Variants in KRT72 observed in about 807,000 individuals in gnomAD.
KRT72 encodes the protein keratin, type II cytoskeletal 72.
Under a neutral mutation model 44.7 loss-of-function variants are expected in KRT72, and 44 were observed. The ratio of observed to expected loss-of-function variants is 0.98; its 90% CI spans 0.77 to 1.27. The LOEUF is 1.27. Among genes scored for constraint, KRT72 ranks in the 50% most tolerant of loss-of-function variants. The pLI, the probability that KRT72 is intolerant of heterozygous loss-of-function variation, is 0.00. For missense variants in KRT72, 736 were observed against 667.1 expected, an observed-to-expected ratio of 1.10 and a Z score of -1.14; for synonymous variants, 302 against 280.4, an observed-to-expected ratio of 1.08 and a Z score of -0.77.
chr12:52,596,749 G>T (rs1430014004), intron 2 of KRT72, among the ~76,000 whole-genome samples: 1 of 151,834 alleles, frequency 6.6e-6, no homozygotes, highest in Admixed American at 6.6e-5. Flanking sequence ...ACAGGGTTTC[G>T]CCATGTTGGC....
At chr12:52,595,652 G>A (rs1426097976) in intron 2 of KRT72, among the ~76,000 whole-genome samples, 1 of 152,156 alleles carries the variant, frequency 6.6e-6, no homozygotes, top group Admixed American at 6.5e-5. Flanking sequence ...GTGTGTATTC[G>A]TGTACAAAAA....
rs760349724 is a variant in KRT72 at position 52,587,718 on chromosome 12, C to A, written c.1223G>T (p.Arg408Leu). ...QAKEELARML[R>L]EYQELVSLKL... ...CAGGCTCACGAGCTCCTGGTACTCACGCAGCATCCGTGCCAGCTCCTCCTT... is the reference window on the plus strand; with the variant it reads ...CAGGCTCACGAGCTCCTGGTACTCAAGCAGCATCCGTGCCAGCTCCTCCTT... Residue 408 changes from arginine to leucine, a missense_variant, in exon 7 of 9, where the codon CGT becomes CTT. Arg to Leu is a moderately radical substitution (Grantham distance 102). Transcript: ENST00000293745. 9 of 1,614,076 alleles carry A rather than the reference C, an allele frequency of 5.6e-6. No homozygotes were observed. Among genetic ancestry groups the A allele is most frequent in the Middle Eastern group, 1.6e-4 (1 of 6,084 alleles).
chr12:52,591,357 A>AACACAC (rs1940011358), intron 5 of KRT72, 107 bp downstream of exon 5: 2 of 878,974 alleles, frequency 2.3e-6, no homozygotes, highest in Non-Finnish European at 3.2e-6. Flanking sequence ...ACTGAGCCCA[A>AACACAC]ATACACACAC....
In KRT72 at chr12:52,589,734, C is replaced by T. The variant is rs181253573; in HGVS notation, c.1089+1102G>A. The stretch of plus-strand genomic sequence containing the variant: ...GAGCCGCAATGGGGACTCAGCATTG[C>T]GAGGGATCCCCATTTGTTCCCCGCA... On this transcript the variant is annotated intron_variant, in intron 6 of 8. Coordinates refer to ENST00000293745, the MANE Select transcript of KRT72 (RefSeq NM_080747.3). Among the ~76,000 whole-genome samples, 26 of 152,206 alleles carry T rather than the reference C, an allele frequency of 1.7e-4. No individual in the cohort carries two copies. In the East Asian group the frequency reaches 2.7e-3, roughly 16 times the overall value.
intron 2 of KRT72, among the ~76,000 whole-genome samples, chr12:52,596,612 C>T (rs1451150182): frequency 6.6e-6 from 1 of 150,706 alleles, no homozygotes; most frequent in Non-Finnish European, 1.5e-5. Context: ...AGTGCGGTGG[C>T]TTGATCTCAG....
chr12:52,590,959 G>T lies in KRT72; in HGVS notation c.966C>A (p.Ile322=), dbSNP rs1382779971. The stretch of plus-strand genomic sequence containing the variant: ...GGCCTGCTGTGACCTGCAGCTCCTG[G>T]ATCTGAGGTTGGGTGACAAGAGAAG... ...AEAETLYQTK[I]QELQVTAGQH... is the part of the protein sequence containing the mutation. The change falls in exon 6 of 9, where the codon ATC becomes ATA. Residue 322 remains isoleucine (I), a splice_region_variant and synonymous_variant. Transcript: ENST00000293745. 1 of 1,589,814 alleles carries T rather than the reference G, an allele frequency of 6.3e-7. No individual in the cohort carries two copies. Among genetic ancestry groups the T allele is most frequent in the South Asian group, 1.1e-5 (1 of 87,478 alleles).
chr12:52,591,774 G>A lies in KRT72; in HGVS notation c.799-146C>T, dbSNP rs185861249. The stretch of plus-strand genomic sequence containing the variant: ...CTCAGCACCAGTGCCTGGCAGGCAC[G>A]TGAAGAAGTGCCTTAGGCTTTCAGC... On this transcript the variant is annotated intron_variant, in intron 4 of 8. Transcript: ENST00000293745. 3.6e-4 allele frequency: 265 copies of A among 740,662 alleles called. No homozygotes were observed. In the African/African-American group the frequency reaches 3.9e-3, roughly 11 times the overall value. The allele number at this position is 740,662 out of a possible 1,614,324, so 45.9% of individuals were successfully genotyped here.
chr12:52,600,289 C>G (rs1487482181), intron 1 of KRT72, among the ~76,000 whole-genome samples: 1 of 152,220 alleles, frequency 6.6e-6, no homozygotes, highest in Non-Finnish European at 1.5e-5. Context: ...GTCTCTTGGC[C>G]TCTGTTCCTA....
At chr12:52,597,019 T>C (rs61929567) in intron 2 of KRT72, among the ~76,000 whole-genome samples, 23,147 of 152,148 alleles carry the variant, frequency 0.15, 2,547 homozygotes, top group African/African-American at 0.31. Flanking sequence ...GCCCATTCAT[T>C]GGCTTTTTAG....
intron 2 of KRT72, among the ~76,000 whole-genome samples, chr12:52,595,906 T>C (rs1162673218): frequency 1.3e-5 from 2 of 150,602 alleles, no homozygotes; most frequent in East Asian, 3.9e-4. Flanking sequence ...TTTTTGCAAG[T>C]CAGATGGTTT....
chr12:52,596,748 C>T (rs689325), intron 2 of KRT72, among the ~76,000 whole-genome samples: 6,005 of 152,038 alleles, frequency 0.039, 152 homozygotes, highest in African/African-American at 0.072. Flanking sequence ...GACAGGGTTT[C>T]GCCATGTTGG....
intron 3 of KRT72, 34 bp from the exon 4 acceptor site, chr12:52,592,525 G>A (rs769188524): frequency 1.4e-5 from 22 of 1,527,462 alleles, no homozygotes; most frequent in Non-Finnish European, 1.7e-5. Context: ...CGCCCTGAGA[G>A]GGCCTCCCCT....
At chr12:52,589,541 A>G (rs1939914812) in intron 6 of KRT72, among the ~76,000 whole-genome samples, 1 of 152,218 alleles carries the variant, frequency 6.6e-6, no homozygotes, top group Admixed American at 6.5e-5. Flanking sequence ...GGGTCTTGTG[A>G]ACATGGCCCG....
At chr12:52,587,338 C>G (rs1939803092) in intron 7 of KRT72, among the ~76,000 whole-genome samples, 1 of 152,160 alleles carries the variant, frequency 6.6e-6, no homozygotes, top group Non-Finnish European at 1.5e-5. Context: ...TTGGACAGCC[C>G]TTAGAGGCCA....
upstream of KRT72, among the ~76,000 whole-genome samples, chr12:52,602,904 G>A (rs999577011): frequency 3.9e-5 from 6 of 152,202 alleles, no homozygotes; most frequent in African/African-American, 1.4e-4. Context: ...GAACAAAGTT[G>A]TGAGGGCATT....
chr12:52,591,594 G>T lies in KRT72; in HGVS notation c.833C>A (p.Thr278Lys). 1 of 1,613,694 alleles carries T rather than the reference G, an allele frequency of 6.2e-7. No individual in the cohort carries two copies. Among genetic ancestry groups the T allele is most frequent in the South Asian group, 1.1e-5 (1 of 91,036 alleles). The stretch of plus-strand genomic sequence containing the variant: ...GTTGTCCATTGACAGGACGATGGAC[G>T]TGTCGCTGATGTGGGACTGGATCTG... ...ITQIQSHISD[T>K]SIVLSMDNNR... The change falls in exon 5 of 9, where the codon ACG becomes AAG. Residue 278 changes from threonine to lysine, a missense_variant. Coordinates refer to ENST00000293745, the MANE Select transcript of KRT72 (RefSeq NM_080747.3).
At chr12:52,591,016 G>A in intron 5 of KRT72, 55 bp from the exon 6 acceptor site, 1 of 1,487,846 alleles carries the variant, frequency 6.7e-7, no homozygotes, top group South Asian at 1.5e-5. Context: ...AACTAGGGCA[G>A]GTCCCTTTTC....
rs371280790 is a variant in KRT72 at position 52,587,805 on chromosome 12, T to C, written c.1136A>G (p.Asp379Gly). The change falls in exon 7 of 9, where the codon GAC becomes GGC. Residue 379 changes from aspartate (D) to glycine (G), a missense_variant. Asp to Gly is a moderately conservative substitution (Grantham distance 94). Coordinates refer to ENST00000293745, the MANE Select transcript of KRT72 (RefSeq NM_080747.3). ...TAIADAEQRG[D>G]CALKDARAKL... is the part of the protein sequence containing the mutation. ...GGCCCGGGCATCTTTCAGGGCGCAG[T>C]CCCCCCGCTGTTCAGCGTCGGCGAT... 1.2e-6 allele frequency: 2 copies of C among 1,613,858 alleles called. No individual in the cohort carries two copies. The highest frequency in any genetic ancestry group is 2.7e-5 in the African/African-American group (2 of 74,846).
Position 52,601,362 on chromosome 12 carries a change from A to G in KRT72, c.91T>C (p.Ser31Pro), listed in dbSNP as rs1940448795. The change falls in exon 1 of 9, where the codon TCC becomes CCC. Residue 31 changes from serine (S) to proline (P), a missense_variant. By Grantham distance (74) the Ser-to-Pro change is moderately conservative (BLOSUM62 -1). Coordinates refer to ENST00000293745, the MANE Select transcript of KRT72 (RefSeq NM_080747.3). The part of the protein sequence containing the change: ...AVLSGGIGSS[S>P]ASFRARVKGS... ...TTGACCCGGGCCCGGAATGAGGCGG[A>G]GCTGCTGCCGATCCCGCCAGAGAGG... is the stretch of plus-strand genomic sequence containing the variant. 6.5e-7 allele frequency: 1 copy of G among 1,543,612 alleles called. No individual in the cohort carries two copies. The highest frequency in any genetic ancestry group is 1.4e-5 in the African/African-American group (1 of 73,162).
Sources: allele counts gnomAD v4.1 joint callset (sites outside exome capture counted in the v4.1 genomes callset), GRCh38; gene constraint gnomAD v4.1.1; transcripts MANE v1.5; gene names NCBI Gene and HGNC (gene_info 2026-07-23, HGNC 2026-07-21).